Variants in RAPGEF1 observed in about 807,000 individuals in gnomAD.
RAPGEF1 encodes CRK SH3-binding GNRP.
A neutral mutation model predicts 143.3 loss-of-function variants in RAPGEF1; 33 were observed. The observed-to-expected ratio is 0.23, with a 90% confidence interval of 0.17 to 0.31. The LOEUF (loss-of-function observed/expected upper bound fraction) is 0.31, where lower values mean the gene tolerates loss of function less well. Ranked by LOEUF, RAPGEF1 falls within the 10% of genes least tolerant of loss-of-function variation. The probability of loss-of-function intolerance (pLI) is 1.00; values close to 1 mark genes in which losing one functional copy is unlikely to be tolerated. For synonymous variants in RAPGEF1, 629 were observed against 676.5 expected, an observed-to-expected ratio of 0.93 and a Z score of 1.09; for missense variants, 1,199 against 1,645.4, an observed-to-expected ratio of 0.73 and a Z score of 4.69.
intron 5 of RAPGEF1, among the ~76,000 whole-genome samples, chr9:131,631,203 C>T (rs971454680): frequency 2.0e-5 from 3 of 152,164 alleles, no homozygotes; most frequent in Admixed American, 2.0e-4. Flanking sequence ...GGATATATAA[C>T]TCATATGCCA....
intron 26 of RAPGEF1, 112 bp from the exon 27 acceptor site, chr9:131,579,759 A>C: frequency 1.7e-6 from 2 of 1,176,776 alleles, no homozygotes; most frequent in Non-Finnish European, 2.4e-6. Flanking sequence ...CTCGCAGCAA[A>C]CGGATGCTGC....
chr9:131,648,228 AAAAAATACAAAAATTAGCCAGGCGT>A (rs1970180409), intron 3 of RAPGEF1, among the ~76,000 whole-genome samples: 1 of 152,026 alleles, frequency 6.6e-6, no homozygotes, highest in African/African-American at 2.4e-5. Flanking sequence ...CATCTCTACT[AAAAAATACAAAAATTAGCCAGGCGT>A]GGTAGAGGAC....
chr9:131,703,985 C>G (rs1834860245), intron 1 of RAPGEF1, among the ~76,000 whole-genome samples: 1 of 152,132 alleles, frequency 6.6e-6, no homozygotes, highest in South Asian at 2.1e-4. Context: ...CAATGCATAA[C>G]AAGAATCACT....
intron 1 of RAPGEF1, among the ~76,000 whole-genome samples, chr9:131,739,471 C>G (rs901041862): frequency 6.6e-6 from 1 of 151,914 alleles, no homozygotes; most frequent in Non-Finnish European, 1.5e-5. Context: ...GCTTGGGGCT[C>G]GAGCCATTTT....
At chr9:131,586,440 TCAAACACA>T (rs1952855564) in intron 22 of RAPGEF1, among the ~76,000 whole-genome samples, 1 of 39,310 alleles carries the variant, frequency 2.5e-5, no homozygotes, top group African/African-American at 1.2e-4. Context: ...AGACTCCGTC[TCAAACACA>T]CACACACACA....
At chr9:131,711,007 G>A (rs561409534) in intron 1 of RAPGEF1, among the ~76,000 whole-genome samples, 4 of 152,016 alleles carry the variant, frequency 2.6e-5, no homozygotes, top group South Asian at 4.2e-4. Flanking sequence ...TGTGAAGTAC[G>A]TAGCATGCTG....
At chr9:131,599,834 T>TA (rs1955973228) in intron 15 of RAPGEF1, among the ~76,000 whole-genome samples, 1 of 152,172 alleles carries the variant, frequency 6.6e-6, no homozygotes, top group African/African-American at 2.4e-5. Flanking sequence ...TATGTGCCTT[T>TA]AGGCCAAACG....
chr9:131,605,086 G>A lies in RAPGEF1; in HGVS notation c.2164C>T (p.Pro722Ser), dbSNP rs1454292016. The part of the protein sequence containing the change: ...PPTSSSSPHF[P>S]PAHQSQSSDL... ...GAGCTCTGAGACTGGTGGGCAGGTG[G>A]GAAATGTGGAGAGGAAGAGGAGGTA... is the stretch of plus-strand genomic sequence containing the variant. The change falls in exon 13 of 27, where the codon CCA becomes TCA. Residue 722 changes from proline to serine, a missense_variant. By Grantham distance (74) the Pro-to-Ser change is moderately conservative. Coordinates refer to ENST00000683357, the MANE Select transcript of RAPGEF1 (RefSeq NM_001377935.1). The A allele has an allele frequency of 1.5e-6, 2 of 1,365,450 alleles. No homozygotes were observed. The highest frequency in any genetic ancestry group is 9.8e-7 in the Non-Finnish European group (1 of 1,021,470). 84.6% of individuals were successfully genotyped at this position (1,365,450 alleles called of 1,614,324 possible). A position where few individuals can be genotyped will look rare whatever the true frequency, so the allele number is the denominator to read the frequency against.
chr9:131,588,901 G>A lies in RAPGEF1; in HGVS notation c.2953C>T (p.Arg985Cys), dbSNP rs573406136. The change falls in exon 20 of 27, where the codon CGT (arginine) becomes TGT (cysteine). Residue 985 changes from arginine to cysteine, a missense_variant. Arg to Cys is a radical substitution (Grantham distance 180, BLOSUM62 -3). Coordinates refer to ENST00000683357, the MANE Select transcript of RAPGEF1 (RefSeq NM_001377935.1). Reference protein sequence around the residue: ...LVCNGELSLARVLRKNILDKV... With the variant: ...LVCNGELSLACVLRKNILDKV... ...TCCAGGATGTTCTTCCGGAGCACAC[G>A]GGCCAGGCTCAGCTCCCCATTGCAC... 1.2e-6 allele frequency: 2 copies of A among 1,613,804 alleles called. No individual in the cohort carries two copies. The highest frequency in any genetic ancestry group is 2.7e-5 in the African/African-American group (2 of 74,908).
In RAPGEF1 at chr9:131,626,152, C is replaced by A; in HGVS notation, c.1472G>T (p.Cys491Phe). The change falls in exon 10 of 27, where the codon TGC (cysteine) becomes TTC (phenylalanine). Residue 491 changes from cysteine to phenylalanine, a missense_variant. Cys to Phe is a radical substitution (Grantham distance 205). Around this residue, in one of 6 missense-constraint regions of RAPGEF1, gnomAD observed 613 missense variants for 710.9 expected, o/e 0.86. Coordinates refer to ENST00000683357, the MANE Select transcript of RAPGEF1 (RefSeq NM_001377935.1). ...GGGATGCCGCTCGTAGGACACCCTG[C>A]AGCCAGAGCCGTCCGCCGTCTGGGA... ...AASQTADGSG[C>F]RVSYERHPSQ... 2 of 1,613,870 alleles carry A rather than the reference C, an allele frequency of 1.2e-6. No homozygotes were observed. Among genetic ancestry groups the A allele is most frequent in the Non-Finnish European group, 1.7e-6 (2 of 1,179,882 alleles).
At chr9:131,594,856 G>GTT (rs1954967769) in intron 17 of RAPGEF1, among the ~76,000 whole-genome samples, 1 of 152,230 alleles carries the variant, frequency 6.6e-6, no homozygotes, top group African/African-American at 2.4e-5. Flanking sequence ...GGACAGTGGA[G>GTT]TTCACCCTTT....
At chr9:131,665,334 T>G (rs1190733778) in intron 1 of RAPGEF1, among the ~76,000 whole-genome samples, 1 of 152,200 alleles carries the variant, frequency 6.6e-6, no homozygotes, top group Non-Finnish European at 1.5e-5. Context: ...CTCTTTTGCT[T>G]GAGTCCATCT....
chr9:131,733,374 G>GGC (rs1554739686), intron 1 of RAPGEF1, among the ~76,000 whole-genome samples: 1 of 129,330 alleles, frequency 7.7e-6, no homozygotes, highest in Admixed American at 7.9e-5. Context: ...GCGGGGGGGG[G>GGC]GGTGGTGCGG....
chr9:131,739,922 C>T lies in RAPGEF1; in HGVS notation c.-92G>A. Reference sequence around the variant, plus strand: ...TCGCCACGCCTCAGACCCGCGCCGGCATGGCGGGCTCCGCGCGGCCGCGGC... The same window carrying T: ...TCGCCACGCCTCAGACCCGCGCCGGTATGGCGGGCTCCGCGCGGCCGCGGC... On this transcript the variant is annotated 5_prime_UTR_variant, in exon 1 of 27. The change abolishes an upstream ATG in the 5' untranslated region. Coordinates refer to ENST00000683357, the MANE Select transcript of RAPGEF1 (RefSeq NM_001377935.1). The T allele has an allele frequency of 2.6e-6, 2 of 754,884 alleles. No individual in the cohort carries two copies. The highest frequency in any genetic ancestry group is 1.6e-6 in the Non-Finnish European group (1 of 622,336). 46.8% of individuals were successfully genotyped at this position (754,884 alleles called of 1,614,324 possible).
At chr9:131,707,233 G>C (rs891668436) in intron 1 of RAPGEF1, among the ~76,000 whole-genome samples, 1 of 152,196 alleles carries the variant, frequency 6.6e-6, no homozygotes, top group Admixed American at 6.5e-5. Context: ...ACCGGTGTCT[G>C]CTAAGGCCCA....
At chr9:131,693,402 TACCACTAAGCCAAA>T (rs1833918896) in intron 1 of RAPGEF1, among the ~76,000 whole-genome samples, 1 of 152,166 alleles carries the variant, frequency 6.6e-6, no homozygotes, top group Admixed American at 6.5e-5. Context: ...TCAAGTTCCA[TACCACTAAGCCAAA>T]ATAAGATTTT....
intron 17 of RAPGEF1, among the ~76,000 whole-genome samples, chr9:131,595,645 T>C (rs1201247574): frequency 1.3e-5 from 2 of 152,076 alleles, no homozygotes; most frequent in African/African-American, 2.4e-5. Context: ...GCTGTGGCCA[T>C]GCCCCATCAG....
In RAPGEF1 at chr9:131,655,078, CTCTG is replaced by C. The variant is rs1972091311; in HGVS notation, c.62-4133_62-4130del. Among the ~76,000 whole-genome samples, 1 of 152,220 alleles carries C rather than the reference CTCTG, an allele frequency of 6.6e-6. No individual in the cohort carries two copies. Among genetic ancestry groups the C allele is most frequent in the Non-Finnish European group, 1.5e-5 (1 of 68,030 alleles). On this transcript the variant is annotated intron_variant, in intron 1 of 26. Coordinates refer to ENST00000683357, the MANE Select transcript of RAPGEF1 (RefSeq NM_001377935.1). The surrounding 1 kb of genome is among the most constrained non-coding windows in gnomAD (Gnocchi z 4.1). ...GGCACCTTGCACTACATGGCTCTCA[CTCTG>C]TCTACTATTGCTGCACGTGACTTAA...
rs766304131 is a variant in RAPGEF1, at chr9:131,589,914, C to T, written c.2839G>A (p.Val947Met). 2.5e-6 allele frequency: 4 copies of T among 1,613,856 alleles called. No individual in the cohort carries two copies. Among genetic ancestry groups the T allele is most frequent in the Non-Finnish European group, 3.4e-6 (4 of 1,179,818 alleles). ...AGCTCATCCACCACCCGTACCAGCA[C>T]GAAGAACGTGTTCTTGCTGACGCGC... Reference protein sequence around the residue: ...KKRVSKNTFFVLVRVVDELCL... With the variant: ...KKRVSKNTFFMLVRVVDELCL... The change falls in exon 19 of 27, where the codon GTG (valine) becomes ATG (methionine). Residue 947 changes from valine to methionine, a missense_variant. Val to Met is a conservative substitution (Grantham distance 21, BLOSUM62 1). Transcript: ENST00000683357.
Sources: allele counts gnomAD v4.1 joint callset (sites outside exome capture counted in the v4.1 genomes callset), GRCh38; gene constraint gnomAD v4.1.1; regional missense constraint gnomAD v4.1.1; non-coding constraint Gnocchi (gnomAD v3.1); transcripts MANE v1.5; gene names NCBI Gene and HGNC (gene_info 2026-07-23, HGNC 2026-07-21).